MEGF6: variants seen among roughly 807,000 people sequenced by gnomAD.
MEGF6 encodes the protein multiple epidermal growth factor-like domains protein 6.
Under a neutral mutation model 207.1 loss-of-function variants are expected in MEGF6, and 184 were observed. The observed-to-expected ratio is 0.89, with a 90% confidence interval of 0.79 to 1.00. The LOEUF (loss-of-function observed/expected upper bound fraction) is 1.00, where lower values mean the gene tolerates loss of function less well. Ranked by LOEUF, MEGF6 falls within the 50% of genes least tolerant of loss-of-function variation. The probability of loss-of-function intolerance (pLI) is 0.00; values close to 1 mark genes in which losing one functional copy is unlikely to be tolerated. For synonymous variants in MEGF6, 1,038 were observed against 910.0 expected (o/e 1.14, Z -2.53); for missense variants, 2,282 against 2,202.9 (o/e 1.04, Z -0.72).
chr1:3,502,361 C>T (rs901618850), intron 17 of MEGF6, among the ~76,000 whole-genome samples: 8 of 152,176 alleles, frequency 5.3e-5, no homozygotes, highest in African/African-American at 9.6e-5. Context: ...ACCAGAGGAC[C>T]TGTCCTGGTC....
intron 2 of MEGF6, among the ~76,000 whole-genome samples, chr1:3,601,271 G>A (rs1644152992): frequency 6.6e-6 from 1 of 152,238 alleles, no homozygotes; most frequent in Non-Finnish European, 1.5e-5. Context: ...CTTCCACCAC[G>A]AGCTGTTGGC....
chr1:3,571,031 T>A (rs1402649242), intron 4 of MEGF6, among the ~76,000 whole-genome samples: 1 of 152,036 alleles, frequency 6.6e-6, no homozygotes, highest in Non-Finnish European at 1.5e-5. Flanking sequence ...GACACCTCCA[T>A]GTTCCTCGGG....
At chr1:3,577,898 G>A (rs1001891256) in intron 4 of MEGF6, among the ~76,000 whole-genome samples, 121 of 152,314 alleles carry the variant, frequency 7.9e-4, no homozygotes, top group African/African-American at 2.7e-3. Context: ...GAGCCTCCAC[G>A]AGACGCCGAG....
intron 1 of MEGF6, among the ~76,000 whole-genome samples, chr1:3,608,347 G>A (rs1201752284): frequency 6.6e-6 from 1 of 152,132 alleles, no homozygotes; most frequent in African/African-American, 2.4e-5. Flanking sequence ...GTCACGTGCT[G>A]TGAAACTCAT....
chr1:3,571,755 G>A (rs1643501681), intron 4 of MEGF6, among the ~76,000 whole-genome samples: 1 of 124,522 alleles, frequency 8.0e-6, no homozygotes, highest in Admixed American at 7.3e-5. Flanking sequence ...TCCCTGGTGT[G>A]CTGGGTCCCC....
At chr1:3,554,423 G>A (rs1385183873) in intron 4 of MEGF6, among the ~76,000 whole-genome samples, 1 of 152,166 alleles carries the variant, frequency 6.6e-6, no homozygotes, top group Non-Finnish European at 1.5e-5. Flanking sequence ...AGAGGGGAGG[G>A]CGGCTTCAGC....
intron 4 of MEGF6, among the ~76,000 whole-genome samples, chr1:3,525,053 A>G (rs1448308569): frequency 6.6e-6 from 1 of 152,130 alleles, no homozygotes; most frequent in Non-Finnish European, 1.5e-5. Context: ...GTTTGTAGCC[A>G]CCCCGTTTGC....
chr1:3,578,023 G>A (rs1307681296), intron 4 of MEGF6, among the ~76,000 whole-genome samples: 2 of 152,234 alleles, frequency 1.3e-5, no homozygotes, highest in Non-Finnish European at 2.9e-5. Flanking sequence ...GCTGGCTCCT[G>A]ACAAAGATGA....
At position 3,501,031 on chromosome 1, in the gene MEGF6, T is replaced by G; in HGVS notation, c.2510A>C (p.His837Pro). 1 of 1,612,716 alleles carries G rather than the reference T, an allele frequency of 6.2e-7. No individual in the cohort carries two copies. The highest frequency in any genetic ancestry group is 8.5e-7 in the Non-Finnish European group (1 of 1,179,954). The change falls in exon 20 of 37, where the codon CAC (histidine) becomes CCC (proline). Residue 837 changes from histidine (H) to proline (P), a missense_variant. His to Pro is a moderately conservative substitution (Grantham distance 77). Transcript: ENST00000356575. ...GCAGTGTCCGGTGGCTGGGTGGCAG[T>G]GCCCATCATTGGCACAAGAGCACCT... ...QTRCSCANDG[H>P]CHPATGHCSC...
chr1:3,516,743 A>G (rs1641555525), intron 5 of MEGF6, among the ~76,000 whole-genome samples: 1 of 152,176 alleles, frequency 6.6e-6, no homozygotes, highest in Non-Finnish European at 1.5e-5. Flanking sequence ...GCCCCCTCAG[A>G]GCAAGCTGGC....
At chr1:3,543,163 C>T (rs1207241942) in intron 4 of MEGF6, among the ~76,000 whole-genome samples, 1 of 152,212 alleles carries the variant, frequency 6.6e-6, no homozygotes, top group Non-Finnish European at 1.5e-5. Flanking sequence ...GGCCTGGAGA[C>T]GCTCCCAGGG....
intron 4 of MEGF6, among the ~76,000 whole-genome samples, chr1:3,577,996 G>C (rs550019196): frequency 6.6e-6 from 1 of 152,362 alleles, no homozygotes; most frequent in South Asian, 2.1e-4. Context: ...AGGGTCTCAT[G>C]GAGCAGGGGG....
At chr1:3,603,578 G>C (rs539301111) in intron 1 of MEGF6, among the ~76,000 whole-genome samples, 1 of 152,134 alleles carries the variant, frequency 6.6e-6, no homozygotes, top group African/African-American at 2.4e-5. Flanking sequence ...GGTGCGGGCC[G>C]GTGTCTCCCC....
At chr1:3,491,443 C>T (rs1640360582) in intron 35 of MEGF6, among the ~76,000 whole-genome samples, 1 of 152,156 alleles carries the variant, frequency 6.6e-6, no homozygotes. Context: ...AGCGCACAGG[C>T]TGCTGCCCCG....
intron 4 of MEGF6, among the ~76,000 whole-genome samples, chr1:3,533,658 G>A (rs1279303676): frequency 6.6e-6 from 1 of 152,198 alleles, no homozygotes; most frequent in African/African-American, 2.4e-5. Flanking sequence ...CCTCCAGGAG[G>A]TGCACGACCG....
Position 3,501,864 on chromosome 1 carries a change from G to A in MEGF6, c.2246C>T (p.Ala749Val), listed in dbSNP as rs200472001. 1.1e-3 allele frequency: 1,710 copies of A among 1,606,596 alleles called. 9 individuals carry two copies. In the Middle Eastern group the frequency reaches 0.02, roughly 18 times the overall value. ...CTGCCCCGTGACCCCGTGGCAGGGG[G>A]CCCCCCCACAGGAGCAGGAGCTCGA... is the stretch of plus-strand genomic sequence containing the variant. Reference protein sequence around the residue: ...NCSSSCSCGGAPCHGVTGQCR... With the variant: ...NCSSSCSCGGVPCHGVTGQCR... Residue 749 changes from alanine to valine, a missense_variant, in exon 18 of 37, where the codon GCC becomes GTC. Coordinates refer to ENST00000356575, the MANE Select transcript of MEGF6 (RefSeq NM_001409.4).
At chr1:3,590,196 C>T (rs1643953534) in intron 3 of MEGF6, among the ~76,000 whole-genome samples, 1 of 152,206 alleles carries the variant, frequency 6.6e-6, no homozygotes, top group African/African-American at 2.4e-5. Flanking sequence ...TGCGGAAGGA[C>T]CAGCGAGTCA....
At chr1:3,611,539 C>T, upstream of MEGF6, 1 of 337,046 alleles carries the variant, frequency 3.0e-6, no homozygotes, top group Non-Finnish European at 5.3e-6. Flanking sequence ...AAAGCCGCCA[C>T]GCCCCCGGCC....
intron 3 of MEGF6, among the ~76,000 whole-genome samples, chr1:3,582,525 T>C (rs959111999): frequency 3.3e-5 from 5 of 152,134 alleles, no homozygotes; most frequent in Non-Finnish European, 7.4e-5. Context: ...GGCCCCAGCT[T>C]CTCCTGCTCA....
Sources: gnomAD v4.1 joint callset for allele counts (sites outside exome capture counted in the v4.1 genomes callset) on GRCh38, gnomAD v4.1.1 for gene constraint, MANE v1.5 for transcripts, NCBI Gene and HGNC (gene_info 2026-07-23, HGNC 2026-07-21) for gene names.